The following FMNL3 variants were observed in gnomAD, a reference collection of about 807,000 sequenced individuals.
FMNL3 encodes the protein formin like 3, also known as formin-like protein 3.
A neutral mutation model predicts 119.6 loss-of-function variants in FMNL3; 57 were observed. The observed-to-expected ratio is 0.48, with a 90% CI of 0.39 to 0.59. FMNL3 has a LOEUF of 0.59. Among genes scored for constraint, FMNL3 ranks in the 20% least tolerant of loss-of-function variants. FMNL3 has a pLI of 0.00. For missense variants in FMNL3, 1,053 were observed against 1,323.5 expected, an observed-to-expected ratio of 0.80 and a Z score of 3.17; for synonymous variants, 491 against 507.3, an observed-to-expected ratio of 0.97 and a Z score of 0.43.
At chr12:49,666,621 G>A (rs1378760484) in intron 2 of FMNL3, among the ~76,000 whole-genome samples, 2 of 151,980 alleles carry the variant, frequency 1.3e-5, no homozygotes, top group Non-Finnish European at 2.9e-5. Flanking sequence ...GGAAGACTCT[G>A]TCTCTACAAA....
At chr12:49,698,344 T>C (rs1271227836) in intron 1 of FMNL3, among the ~76,000 whole-genome samples, 2 of 152,092 alleles carry the variant, frequency 1.3e-5, no homozygotes, top group Non-Finnish European at 1.5e-5. Flanking sequence ...CCATCACTAA[T>C]ATACAAGAGC....
At position 49,645,896 on chromosome 12, in the gene FMNL3, G is replaced by T. The variant is rs1943161219; in HGVS notation, c.3003C>A (p.His1001Gln). The T allele has an allele frequency of 1.2e-6, 2 of 1,612,502 alleles. No homozygotes were observed. Among genetic ancestry groups the T allele is most frequent in the Non-Finnish European group, 1.7e-6 (2 of 1,179,288 alleles). Reference sequence around the variant, plus strand: ...GGTGGCGAACAACCATAGGCTGGCAGTGGAGGCCTGTGGGGGAAGAGAGAG... The same window carrying T: ...GGTGGCGAACAACCATAGGCTGGCATTGGAGGCCTGTGGGGGAAGAGAGAG... ...GTIEDIITGL[H>Q]CQPMVVRHQA... The change falls in exon 26 of 26, where the codon CAC becomes CAA. Residue 1001 changes from histidine to glutamine, a missense_variant. Physicochemically the swap from His to Gln is conservative, Grantham distance 24. This residue lies in a region of FMNL3 where 324 missense variants were observed against 380.9 expected (regional missense o/e 0.85). Transcript: ENST00000335154.
chr12:49,647,495 G>T lies in FMNL3; in HGVS notation c.2779-127C>A, dbSNP rs1396293801. 9.2e-7 allele frequency: 1 copy of T among 1,083,676 alleles called. No homozygotes were observed. Among genetic ancestry groups the T allele is most frequent in the Admixed American group, 1.8e-5 (1 of 54,298 alleles). 67.1% of individuals were successfully genotyped at this position (1,083,676 alleles called of 1,614,324 possible). ...CTCCAGGTGGCCACCCTCTGGAGGG[G>T]CACTTCCTGCCCCAAACAATGACAG... On this transcript the variant is annotated intron_variant, in intron 23 of 25. Transcript: ENST00000335154. The surrounding 1 kb of genome is among the most constrained non-coding windows in gnomAD (Gnocchi z 4.9).
At position 49,637,393 on chromosome 12, in the gene FMNL3, A is replaced by C. The variant is rs1941975861; in HGVS notation, c.*8422T>G. The C allele has an allele frequency of 1.2e-5, 12 of 978,450 alleles. No individual in the cohort carries two copies. The highest frequency in any genetic ancestry group is 1.9e-5 in the Non-Finnish European group (12 of 626,822). The allele number at this position is 978,450 out of a possible 1,614,324, so 60.6% of individuals were successfully genotyped here. A position where few individuals can be genotyped will look rare whatever the true frequency, so the allele number is the denominator to read the frequency against. ...GATTGTCCCTGCCTCTTCCTCTGCCATTCCCTCTCTTCCCCCTCAGTCTGT... is the reference window on the plus strand; with the variant it reads ...GATTGTCCCTGCCTCTTCCTCTGCCCTTCCCTCTCTTCCCCCTCAGTCTGT... On this transcript the variant is annotated 3_prime_UTR_variant, in exon 26 of 26. Coordinates refer to ENST00000335154, the MANE Select transcript of FMNL3 (RefSeq NM_175736.5).
intron 5 of FMNL3, chr12:49,661,683 T>G (rs1166353912): frequency 7.8e-6 from 3 of 384,440 alleles, no homozygotes; most frequent in South Asian, 3.6e-5. Flanking sequence ...AGCTTGGCAT[T>G]TGGATGCCTT....
intron 1 of FMNL3, chr12:49,688,334 A>AT: frequency 2.2e-6 from 1 of 449,658 alleles, no homozygotes; most frequent in East Asian, 7.0e-5. Context: ...TCCACACAGC[A>AT]GACAAGAGAA....
intron 1 of FMNL3, among the ~76,000 whole-genome samples, chr12:49,702,329 T>C (rs1353010641): frequency 1.3e-5 from 2 of 151,940 alleles, no homozygotes; most frequent in African/African-American, 4.8e-5. Context: ...ATAAATCAAA[T>C]ATCAAAACAT....
intron 1 of FMNL3, among the ~76,000 whole-genome samples, chr12:49,682,719 AAAGTAT>A (rs1944368596): frequency 6.6e-6 from 1 of 152,200 alleles, no homozygotes; most frequent in African/African-American, 2.4e-5. Context: ...AAACATACGT[AAAGTAT>A]GATTCCCTCA....
chr12:49,636,956 CT>C lies in FMNL3; in HGVS notation c.*8858del. On this transcript the variant is annotated 3_prime_UTR_variant, in exon 26 of 26. Coordinates refer to ENST00000335154, the MANE Select transcript of FMNL3 (RefSeq NM_175736.5). ...GATACGCTGCCTGTTCTTTCTGTGC[CT>C]AGCCCTGTCCAAGCTCTATGAGACC... is the stretch of plus-strand genomic sequence containing the variant. 1 of 1,525,114 alleles carries C rather than the reference CT, an allele frequency of 6.6e-7. No individual in the cohort carries two copies. The highest frequency in any genetic ancestry group is 1.2e-5 in the South Asian group (1 of 83,600). 94.5% of individuals were successfully genotyped at this position (1,525,114 alleles called of 1,614,324 possible). A position where few individuals can be genotyped will look rare whatever the true frequency, so the allele number is the denominator to read the frequency against.
intron 17 of FMNL3, among the ~76,000 whole-genome samples, 168 bp from the exon 18 acceptor site, chr12:49,650,093 G>A (rs1293838490): frequency 6.6e-6 from 1 of 152,126 alleles, no homozygotes; most frequent in East Asian, 1.9e-4. Context: ...AATGATCCCG[G>A]GGGAACACTC....
chr12:49,698,334 C>A (rs1944808490), intron 1 of FMNL3, among the ~76,000 whole-genome samples: 1 of 152,052 alleles, frequency 6.6e-6, no homozygotes, highest in African/African-American at 2.4e-5. Flanking sequence ...AAGAATTAAA[C>A]CATCACTAAT....
Position 49,637,802 on chromosome 12 carries a change from A to T in FMNL3, c.*8013T>A. 6.2e-7 allele frequency: 1 copy of T among 1,610,790 alleles called. No homozygotes were observed. The highest frequency in any genetic ancestry group is 8.5e-7 in the Non-Finnish European group (1 of 1,177,120). The stretch of plus-strand genomic sequence containing the variant: ...AAGGCACGATTCCATGATGAAAAGA[A>T]GATCATTAAGGACATCCTTAAGGTG... On this transcript the variant is annotated 3_prime_UTR_variant, in exon 26 of 26. Coordinates refer to ENST00000335154, the MANE Select transcript of FMNL3 (RefSeq NM_175736.5).
At position 49,700,419 on chromosome 12, in the gene FMNL3, A is replaced by T. The variant is rs930205338; in HGVS notation, c.126+6636T>A. On this transcript the variant is annotated intron_variant, in intron 1 of 25. Transcript: ENST00000335154. ...AAAAAAAAAAAAAAAAAGAGATTTT[A>T]AAAGGGTAAGATACGCTGGACGCAG... 2.6e-4 allele frequency among the ~76,000 whole-genome samples: 38 copies of T among 148,568 alleles called. 1 individual carries two copies. The highest frequency in any genetic ancestry group is 7.5e-4 in the African/African-American group (30 of 39,930).
At chr12:49,676,532 T>TG (rs1173410685) in intron 1 of FMNL3, among the ~76,000 whole-genome samples, 1 of 145,540 alleles carries the variant, frequency 6.9e-6, no homozygotes, top group Non-Finnish European at 1.5e-5. Context: ...TTTTTTTTTT[T>TG]TTTTTTTTTT....
chr12:49,647,492 G>C lies in FMNL3; in HGVS notation c.2779-124C>G, dbSNP rs958776107. On this transcript the variant is annotated intron_variant, in intron 23 of 25. Transcript: ENST00000335154. The surrounding 1 kb of genome is among the most constrained non-coding windows in gnomAD (Gnocchi z 4.9). Reference sequence around the variant, plus strand: ...TAACTCCAGGTGGCCACCCTCTGGAGGGGCACTTCCTGCCCCAAACAATGA... The same window carrying C: ...TAACTCCAGGTGGCCACCCTCTGGACGGGCACTTCCTGCCCCAAACAATGA... The C allele has an allele frequency of 2.5e-5, 28 of 1,125,664 alleles. No homozygotes were observed. The highest frequency in any genetic ancestry group is 3.7e-5 in the Non-Finnish European group (28 of 758,880). The allele number at this position is 1,125,664 out of a possible 1,614,324, so 69.7% of individuals were successfully genotyped here. A position where few individuals can be genotyped will look rare whatever the true frequency, so the allele number is the denominator to read the frequency against.
In FMNL3 at chr12:49,652,133, C is replaced by G; in HGVS notation, c.1403G>C (p.Arg468Pro). ...CCGGACATTTGGCTCCAAATGACAT[C>G]GACGCTGAAAGGCCTCCTCCTTCTC... Reference protein sequence around the residue: ...IKEKEEAFQRRCHLEPNVRGL... With the variant: ...IKEKEEAFQRPCHLEPNVRGL... The change falls in exon 14 of 26, where the codon CGA (arginine) becomes CCA (proline). Residue 468 changes from arginine to proline, a missense_variant. Around this residue, in one of 4 missense-constraint regions of FMNL3, gnomAD observed 445 missense variants for 628.4 expected, o/e 0.71. Transcript: ENST00000335154. 6.2e-7 allele frequency: 1 copy of G among 1,613,180 alleles called. No homozygotes were observed. The highest frequency in any genetic ancestry group is 8.5e-7 in the Non-Finnish European group (1 of 1,179,700).
In FMNL3 at chr12:49,641,548, A is replaced by G. The variant is rs1467294159; in HGVS notation, c.*4267T>C. 7.4e-6 allele frequency: 2 copies of G among 271,188 alleles called. No homozygotes were observed. The highest frequency in any genetic ancestry group is 8.4e-5 in the East Asian group (1 of 11,922). 16.8% of individuals were successfully genotyped at this position (271,188 alleles called of 1,614,324 possible). On this transcript the variant is annotated 3_prime_UTR_variant, in exon 26 of 26. Coordinates refer to ENST00000335154, the MANE Select transcript of FMNL3 (RefSeq NM_175736.5). ...TAAATAGACCCAAAGGGTAGGGGCC[A>G]GCAAATGTTGATTGAGAATGCATGG...
intron 5 of FMNL3, among the ~76,000 whole-genome samples, chr12:49,659,613 T>C (rs1354301017): frequency 6.6e-6 from 1 of 152,068 alleles, no homozygotes; most frequent in Non-Finnish European, 1.5e-5. Flanking sequence ...GGAGTCTTGC[T>C]ATGTTACCCA....
Position 49,707,035 on chromosome 12 carries a change from G to C in FMNL3, c.126+20C>G. The stretch of plus-strand genomic sequence containing the variant: ...CCTGAGGGGCGGTACGCGGGGGAAG[G>C]GGCTGGGCTCAGCTCTCACCAGCAC... On this transcript the variant is annotated intron_variant, in intron 1 of 25. Coordinates refer to ENST00000335154, the MANE Select transcript of FMNL3 (RefSeq NM_175736.5). 6.4e-7 allele frequency: 1 copy of C among 1,565,348 alleles called. No individual in the cohort carries two copies. The highest frequency in any genetic ancestry group is 2.4e-5 in the East Asian group (1 of 42,426).
Sources: allele counts gnomAD v4.1 joint callset (sites outside exome capture counted in the v4.1 genomes callset), GRCh38; gene constraint gnomAD v4.1.1; regional missense constraint gnomAD v4.1.1; non-coding constraint Gnocchi (gnomAD v3.1); transcripts MANE v1.5; gene names NCBI Gene and HGNC (gene_info 2026-07-23, HGNC 2026-07-21).